Variants in ZDHHC23 observed in about 807,000 individuals in gnomAD.
The protein encoded by ZDHHC23 is palmitoyltransferase ZDHHC23.
In ZDHHC23, 41 loss-of-function variants were observed where a neutral mutation model predicts 40.2. That is an observed-to-expected ratio of 1.02 (90% confidence interval 0.79 to 1.32). The LOEUF is 1.32. ZDHHC23 is among the 40% of genes most tolerant of loss of function. The pLI, the probability that ZDHHC23 is intolerant of heterozygous loss-of-function variation, is 0.00. For synonymous variants in ZDHHC23, 204 were observed against 210.2 expected, an observed-to-expected ratio of 0.97 and a Z score of 0.26; for missense variants, 471 against 541.5, an observed-to-expected ratio of 0.87 and a Z score of 1.29.
intron 3 of ZDHHC23, among the ~76,000 whole-genome samples, chr3:113,956,096 G>A (rs1449173712): frequency 1.3e-5 from 2 of 152,122 alleles, no homozygotes; most frequent in African/African-American, 4.8e-5. Flanking sequence ...ACACAAATTA[G>A]CTGGGCATGG....
rs538265585 is a variant in ZDHHC23 at position 113,954,724 on chromosome 3, T to A, written c.872+314T>A. ...AAATATCTACAGTTGAATGATTTTT[T>A]AAAAAAAGAATTGATCAGAAACAGT... On this transcript the variant is annotated intron_variant, in intron 3 of 4. Coordinates refer to ENST00000638807, the MANE Select transcript of ZDHHC23 (RefSeq NM_001320466.2). Among the ~76,000 whole-genome samples, 161 of 152,238 alleles carry A rather than the reference T, an allele frequency of 1.1e-3. 2 individuals carry two copies. Among genetic ancestry groups the A allele is most frequent in the African/African-American group, 3.7e-3 (154 of 41,560 alleles).
downstream of ZDHHC23, among the ~76,000 whole-genome samples, chr3:113,968,463 T>C (rs899849738): frequency 2.7e-5 from 4 of 148,480 alleles, no homozygotes; most frequent in South Asian, 2.1e-4. Context: ...TCCCCCCCCT[T>C]TTTTTTTTAG....
the ZDHHC23 span, among the ~76,000 whole-genome samples, chr3:113,974,311 T>C: frequency 1.3e-5 from 2 of 149,878 alleles, no homozygotes; most frequent in East Asian, 3.9e-4. Context: ...TGGTTCCCCA[T>C]TTGCTGTTTT....
intron 2 of ZDHHC23, among the ~76,000 whole-genome samples, chr3:113,949,669 C>T (rs562564193): frequency 1.9e-4 from 29 of 152,270 alleles, no homozygotes; most frequent in African/African-American, 5.8e-4. Flanking sequence ...AAATCACTGT[C>T]AATGGAAGTC....
chr3:113,952,851 CTT>C lies in ZDHHC23; in HGVS notation c.162-844_162-843del, dbSNP rs1282021761. On this transcript the variant is annotated intron_variant, in intron 2 of 4. Transcript: ENST00000638807. ...GGAGCAAACAGGCTCCCTTGGATCT[CTT>C]TTTTAGAGGCATTAATTCCACTCAT... Among the ~76,000 whole-genome samples, 16 of 152,274 alleles carry C rather than the reference CTT, an allele frequency of 1.1e-4. 1 individual carries two copies. The South Asian group carries it at 3.1e-3, about 30-fold the overall frequency.
At chr3:113,950,570 T>G (rs1224372215) in intron 2 of ZDHHC23, among the ~76,000 whole-genome samples, 1 of 152,180 alleles carries the variant, frequency 6.6e-6, no homozygotes, top group Non-Finnish European at 1.5e-5. Flanking sequence ...GCATTGGGAA[T>G]GAGGTTTCAA....
In ZDHHC23 at chr3:113,959,609, G is replaced by C. The variant is rs748893620; in HGVS notation, c.*979G>C. ...CTTTACTCTCTTTTCTGGTAGGAAG[G>C]CTGAGTAACATCACGGGCTCGATTA... On this transcript the variant is annotated 3_prime_UTR_variant, in exon 5 of 5. Coordinates refer to ENST00000638807, the MANE Select transcript of ZDHHC23 (RefSeq NM_001320466.2). 390 of 1,205,564 alleles carry C rather than the reference G, an allele frequency of 3.2e-4. No individual in the cohort carries two copies. Among genetic ancestry groups the C allele is most frequent in the Non-Finnish European group, 3.9e-4 (364 of 928,534 alleles). The allele number at this position is 1,205,564 out of a possible 1,614,324, so 74.7% of individuals were successfully genotyped here.
At position 113,948,716 on chromosome 3, in the gene ZDHHC23, G is replaced by A; in HGVS notation, c.-87G>A. The stretch of plus-strand genomic sequence containing the variant: ...GGAGGTTAAGCAGAGAGAGAGAGGC[G>A]TGGACCTATTTACGAGATGTAAGTT... On this transcript the variant is annotated 5_prime_UTR_variant, in exon 2 of 5. In the 5' UTR this introduces an upstream ATG that the reference lacks. Coordinates refer to ENST00000638807, the MANE Select transcript of ZDHHC23 (RefSeq NM_001320466.2). 6.7e-7 allele frequency: 1 copy of A among 1,497,966 alleles called. No homozygotes were observed. The highest frequency in any genetic ancestry group is 9.2e-7 in the Non-Finnish European group (1 of 1,088,172). 92.8% of individuals were successfully genotyped at this position (1,497,966 alleles called of 1,614,324 possible).
chr3:113,957,532 G>A (rs143638813), intron 4 of ZDHHC23: 1 of 378,280 alleles, frequency 2.6e-6, no homozygotes, highest in Non-Finnish European at 5.2e-6. Flanking sequence ...TCTCGGTGCG[G>A]AGGCGAGGGA....
Position 113,960,934 on chromosome 3 carries a change from G to T in ZDHHC23, c.*2304G>T. The T allele has an allele frequency of 3.0e-6, 2 of 676,374 alleles. No individual in the cohort carries two copies. The highest frequency in any genetic ancestry group is 2.6e-5 in the South Asian group (1 of 39,102). 41.9% of individuals were successfully genotyped at this position (676,374 alleles called of 1,614,324 possible). A position where few individuals can be genotyped will look rare whatever the true frequency, so the allele number is the denominator to read the frequency against. ...TACCGAAAGGAGCAGCAAACAAGGG[G>T]CTAATCCATGAGCAGTGTTCTGTAG... On this transcript the variant is annotated 3_prime_UTR_variant, in exon 5 of 5. Transcript: ENST00000638807.
At chr3:113,949,562 T>C (rs1036518459) in intron 2 of ZDHHC23, among the ~76,000 whole-genome samples, 1 of 152,260 alleles carries the variant, frequency 6.6e-6, no homozygotes, top group Non-Finnish European at 1.5e-5. Context: ...TGGAAATTAC[T>C]ATCCAAAAAG....
At chr3:113,949,595 A>C (rs1938470564) in intron 2 of ZDHHC23, among the ~76,000 whole-genome samples, 1 of 152,248 alleles carries the variant, frequency 6.6e-6, no homozygotes, top group South Asian at 2.1e-4. Context: ...ATCACTGAAA[A>C]AATTTGGTGT....
rs1939619247 is a variant in ZDHHC23 at position 113,960,698 on chromosome 3, T to A, written c.*2068T>A. The A allele has an allele frequency of 1.9e-6, 3 of 1,606,452 alleles. No individual in the cohort carries two copies. Among genetic ancestry groups the A allele is most frequent in the Non-Finnish European group, 2.5e-6 (3 of 1,177,202 alleles). On this transcript the variant is annotated 3_prime_UTR_variant, in exon 5 of 5. Transcript: ENST00000638807. ...AGAATTAGGAATGATGACAATTTTT[T>A]TTAACAACTTACCTCTAATAGGGTT...
intron 2 of ZDHHC23, among the ~76,000 whole-genome samples, chr3:113,951,400 A>G (rs1938646075): frequency 1.3e-5 from 2 of 152,136 alleles, no homozygotes; most frequent in Admixed American, 1.3e-4. Context: ...TGCCTGCAGC[A>G]TTGGCACCCT....
chr3:113,968,175 G>GA (rs1940407104), downstream of ZDHHC23, among the ~76,000 whole-genome samples: 1 of 152,064 alleles, frequency 6.6e-6, no homozygotes, highest in Non-Finnish European at 1.5e-5. Context: ...GGATCATATG[G>GA]TAGTTCTAAT....
chr3:113,964,902 T>C (rs1939956171), downstream of ZDHHC23: 1 of 290,098 alleles, frequency 3.4e-6, no homozygotes, highest in Non-Finnish European at 6.3e-6. Flanking sequence ...TAAAAATATA[T>C]AGGATATATT....
chr3:113,948,822 T>G lies in ZDHHC23; in HGVS notation c.20T>G (p.Met7Arg). The G allele has an allele frequency of 6.2e-7, 1 of 1,614,160 alleles. No homozygotes were observed. Among genetic ancestry groups the G allele is most frequent in the Non-Finnish European group, 8.5e-7 (1 of 1,180,044 alleles). Residue 7 changes from methionine to arginine, a missense_variant, in exon 2 of 5, where the codon ATG (methionine) becomes AGG (arginine). Physicochemically the swap from Met to Arg is moderately conservative, Grantham distance 91. Transcript: ENST00000638807. ...CAAATCATGACACAGAAGGGCAGTATGAAGCCTGTGAAGAAAAAGAAAACC... is the reference window on the plus strand; with the variant it reads ...CAAATCATGACACAGAAGGGCAGTAGGAAGCCTGTGAAGAAAAAGAAAACC... MTQKGS[M>R]KPVKKKKTEE...
At chr3:113,974,233 G>C in the ZDHHC23 span, among the ~76,000 whole-genome samples, 1 of 151,734 alleles carries the variant, frequency 6.6e-6, no homozygotes, top group Non-Finnish European at 1.5e-5. Flanking sequence ...ATGTTGGTTA[G>C]AGTTTACATA....
At chr3:113,965,756 A>AT (rs993873411), downstream of ZDHHC23, among the ~76,000 whole-genome samples, 62 of 148,378 alleles carry the variant, frequency 4.2e-4, no homozygotes, top group African/African-American at 1.3e-3. Flanking sequence ...TGCCTGGCTA[A>AT]TTTTTTTTTT....
Sources: allele counts gnomAD v4.1 joint callset (sites outside exome capture counted in the v4.1 genomes callset), GRCh38; gene constraint gnomAD v4.1.1; transcripts MANE v1.5; gene names NCBI Gene and HGNC (gene_info 2026-07-23, HGNC 2026-07-21).